Variants in SAMD11 observed in about 807,000 individuals in gnomAD.
SAMD11 encodes the protein sterile alpha motif domain containing 11, also known as sterile alpha motif domain-containing protein 11.
SAMD11 carries 77 observed loss-of-function variants against 64.4 expected under a neutral mutation model. The observed-to-expected ratio is 1.20, with a 90% CI of 0.99 to 1.44. The LOEUF (loss-of-function observed/expected upper bound fraction) is 1.44, where lower values mean the gene tolerates loss of function less well. Ranked by LOEUF, SAMD11 falls within the 40% of genes most tolerant of loss-of-function variation. SAMD11 has a pLI of 0.00. For synonymous variants in SAMD11, 658 were observed against 421.9 expected (o/e 1.56, Z -6.86); for missense variants, 1,402 against 943.3 (o/e 1.49, Z -6.37).
Position 943,365 on chromosome 1 carries a change from A to C in SAMD11, c.2166A>C (p.Gly722=), listed in dbSNP as rs72902602. The C allele has an allele frequency of 1.9e-4, 292 of 1,568,750 alleles. No homozygotes were observed. The African/African-American group carries it at 3.7e-3, about 20-fold the overall frequency. Residue 722 remains glycine, a synonymous_variant, in exon 12 of 14, where the codon GGA becomes GGC. Coordinates refer to ENST00000616016, the MANE Select transcript of SAMD11 (RefSeq NM_001385641.1). ...CSFVGGLSGC[G]EYTRVFREQG... ...TCGTGGGGGGCCTGTCTGGCTGTGG[A>C]GAGTACACTCGGGTAAGGGGGGGCC...
At chr1:933,525 T>C (rs915619952) in intron 4 of SAMD11, among the ~76,000 whole-genome samples, 3 of 147,582 alleles carry the variant, frequency 2.0e-5, no homozygotes, top group African/African-American at 7.4e-5. Context: ...GTTCTCCTCC[T>C]GCAGGCGTCC....
chr1:927,484 G>A (rs1640949745), intron 2 of SAMD11, among the ~76,000 whole-genome samples: 1 of 152,180 alleles, frequency 6.6e-6, no homozygotes, highest in Admixed American at 6.5e-5. Flanking sequence ...CTGCGTGAGG[G>A]ACGGCTCAGA....
rs149031517 is a variant in SAMD11, at chr1:931,709, C to T, written c.842+620C>T. ...GACCAGGTGTATGTTTGGAGAAGGT[C>T]CCTCTGGAGGCCTTCCTGGCAGACA... On this transcript the variant is annotated intron_variant, in intron 4 of 13. Coordinates refer to ENST00000616016, the MANE Select transcript of SAMD11 (RefSeq NM_001385641.1). Among the ~76,000 whole-genome samples, 134 of 152,278 alleles carry T rather than the reference C, an allele frequency of 8.8e-4. 1 individual carries two copies. Among genetic ancestry groups the T allele is most frequent in the African/African-American group, 3.0e-3 (125 of 41,558 alleles).
At chr1:936,688 T>C (rs770530819) in intron 5 of SAMD11, among the ~76,000 whole-genome samples, 10 of 149,674 alleles carry the variant, frequency 6.7e-5, no homozygotes, top group Non-Finnish European at 1.2e-4. Context: ...GAAGGAGGGG[T>C]GGGGGAGGCC....
intron 12 of SAMD11, 98 bp downstream of exon 12, chr1:943,475 C>T: frequency 2.6e-6 from 3 of 1,134,148 alleles, no homozygotes; most frequent in Non-Finnish European, 3.7e-6. Context: ...CCCCAACGCC[C>T]TCTCCCTCCC....
intron 2 of SAMD11, among the ~76,000 whole-genome samples, 181 bp from the exon 3 acceptor site, chr1:929,974 G>A (rs1412817412): frequency 6.6e-6 from 1 of 152,236 alleles, no homozygotes; most frequent in African/African-American, 2.4e-5. Context: ...CATCCCAGAG[G>A]CAGGTAGAGG....
At chr1:940,154 C>G (rs991693374) in intron 7 of SAMD11, among the ~76,000 whole-genome samples, 24 of 152,194 alleles carry the variant, frequency 1.6e-4, no homozygotes, top group Non-Finnish European at 4.4e-5. Flanking sequence ...CACCAAGAGC[C>G]TGAATAATTC....
intron 1 of SAMD11, among the ~76,000 whole-genome samples, chr1:925,421 G>C (rs1640833167): frequency 8.6e-6 from 1 of 116,326 alleles, no homozygotes; most frequent in Non-Finnish European, 2.1e-5. Flanking sequence ...GCGCCTGCGG[G>C]CGCCTGGGCC....
intron 5 of SAMD11, among the ~76,000 whole-genome samples, chr1:937,383 C>T (rs1030487996): frequency 7.9e-5 from 11 of 139,568 alleles, no homozygotes; most frequent in Non-Finnish European, 1.2e-4. Context: ...TCATTGCAGG[C>T]CCCCTTCCAC....
chr1:942,448 G>C lies in SAMD11; in HGVS notation c.1513G>C (p.Ala505Pro). The change falls in exon 10 of 14, where the codon GCC becomes CCC. Residue 505 changes from alanine to proline, a missense_variant. Physicochemically the swap from Ala to Pro is conservative, Grantham distance 27. Transcript: ENST00000616016. ...FLPPAQAEMF[A>P]WQQELLRKQN... ...GCCCCCCGCGCAGGCGGAGATGTTCGCCTGGCAGCAGGAGCTCCTGCGGAA... is the reference window on the plus strand; with the variant it reads ...GCCCCCCGCGCAGGCGGAGATGTTCCCCTGGCAGCAGGAGCTCCTGCGGAA... The C allele has an allele frequency of 6.7e-7, 1 of 1,487,860 alleles. No individual in the cohort carries two copies. The highest frequency in any genetic ancestry group is 8.9e-7 in the Non-Finnish European group (1 of 1,125,278). 92.2% of individuals were successfully genotyped at this position (1,487,860 alleles called of 1,614,324 possible).
chr1:931,073 C>G lies in SAMD11; in HGVS notation c.826C>G (p.Arg276Gly). 1 of 1,612,608 alleles carries G rather than the reference C, an allele frequency of 6.2e-7. No individual in the cohort carries two copies. Among genetic ancestry groups the G allele is most frequent in the Non-Finnish European group, 8.5e-7 (1 of 1,179,632 alleles). Residue 276 changes from arginine to glycine, a missense_variant, in exon 4 of 14, where the codon CGA becomes GGA. Physicochemically the swap from Arg to Gly is moderately radical, Grantham distance 125. Transcript: ENST00000616016. ...CCACTGGGACGTGAACATCTCTTTC[C>G]GAGAGGCGTCCTGCAGGTAGGAGCC... ...HTHWDVNISF[R>G]EASCSQDGNL...
At chr1:929,423 C>G (rs904338516) in intron 2 of SAMD11, among the ~76,000 whole-genome samples, 1 of 152,216 alleles carries the variant, frequency 6.6e-6, no homozygotes, top group Non-Finnish European at 1.5e-5. Context: ...CTGTGAGCCC[C>G]GGGGCCTGCA....
At chr1:943,850 C>T (rs778479762) in intron 13 of SAMD11, 42 bp downstream of exon 13, 3 of 1,613,000 alleles carry the variant, frequency 1.9e-6, no homozygotes, top group Admixed American at 1.7e-5. Flanking sequence ...CAGACCACAG[C>T]TGGGCAGAAA....
chr1:940,313 C>A (rs1230952922), intron 7 of SAMD11: 6 of 147,664 alleles, frequency 4.1e-5, no homozygotes, highest in Non-Finnish European at 7.6e-5. Context: ...CCCCCCGCCC[C>A]GCCGCGGAGC....
chr1:935,680 T>C, intron 4 of SAMD11, 92 bp from the exon 5 acceptor site: 1 of 1,548,018 alleles, frequency 6.5e-7, no homozygotes, highest in Non-Finnish European at 8.8e-7. Context: ...ATCCCCACGC[T>C]CACACACAGA....
intron 2 of SAMD11, among the ~76,000 whole-genome samples, chr1:928,673 C>G (rs919649854): frequency 4.6e-5 from 7 of 152,260 alleles, no homozygotes; most frequent in African/African-American, 1.7e-4. Context: ...AGGCCCCACC[C>G]CTTGCCCAGC....
intron 12 of SAMD11, 120 bp from the exon 13 acceptor site, chr1:943,578 C>T: frequency 1.9e-6 from 2 of 1,061,766 alleles, no homozygotes; most frequent in Non-Finnish European, 2.6e-6. Context: ...ACACTCAAAC[C>T]CAACAGATCA....
intron 4 of SAMD11, among the ~76,000 whole-genome samples, chr1:931,528 T>C (rs1347713968): frequency 6.6e-6 from 1 of 152,130 alleles, no homozygotes; most frequent in Non-Finnish European, 1.5e-5. Flanking sequence ...GGCGAGGGGA[T>C]GTCTGCAGAG....
Position 944,510 on chromosome 1 carries a change from G to C in SAMD11, c.*357G>C. ...CTGTGGGGCTTCAGCAGCCACACCA[G>C]CCCAGCCCAGCCCAGCTCTCGATAC... On this transcript the variant is annotated 3_prime_UTR_variant, in exon 14 of 14. Coordinates refer to ENST00000616016, the MANE Select transcript of SAMD11 (RefSeq NM_001385641.1). 1.6e-6 allele frequency: 1 copy of C among 613,830 alleles called. No individual in the cohort carries two copies. The highest frequency in any genetic ancestry group is 2.1e-5 in the South Asian group (1 of 48,184). 38.0% of individuals were successfully genotyped at this position (613,830 alleles called of 1,614,324 possible). A position where few individuals can be genotyped will look rare whatever the true frequency, so the allele number is the denominator to read the frequency against.
Sources: allele counts gnomAD v4.1 joint callset (sites outside exome capture counted in the v4.1 genomes callset), GRCh38; gene constraint gnomAD v4.1.1; transcripts MANE v1.5; gene names NCBI Gene and HGNC (gene_info 2026-07-23, HGNC 2026-07-21).